NEO1: variants seen among roughly 807,000 people sequenced by gnomAD.
NEO1 encodes neogenin 1.
NEO1 carries 63 observed loss-of-function variants against 159.7 expected under a neutral mutation model. The observed-to-expected ratio is 0.39, with a 90% CI of 0.32 to 0.49. The LOEUF (loss-of-function observed/expected upper bound fraction) is 0.49. Ranked by LOEUF, NEO1 falls within the 20% of genes least tolerant of loss-of-function variation. The pLI, the probability that NEO1 is intolerant of heterozygous loss-of-function variation, is 0.85. For synonymous variants in NEO1, 633 were observed against 662.0 expected, an observed-to-expected ratio of 0.96 and a Z score of 0.67; for missense variants, 1,615 against 1,831.0, an observed-to-expected ratio of 0.88 and a Z score of 2.15.
chr15:73,134,174 ATC>A (rs2031474016), intron 4 of NEO1, among the ~76,000 whole-genome samples: 1 of 152,212 alleles, frequency 6.6e-6, no homozygotes, highest in Non-Finnish European at 1.5e-5. Context: ...GACCCGTCTT[ATC>A]TCTCCATTTA....
intron 13 of NEO1, chr15:73,255,554 G>A (rs2040297548): frequency 6.6e-6 from 1 of 152,238 alleles, no homozygotes; most frequent in Non-Finnish European, 1.5e-5. Flanking sequence ...TTGAGATCAT[G>A]CCTACGAAGA....
intron 8 of NEO1, among the ~76,000 whole-genome samples, chr15:73,243,387 A>G (rs918134602): frequency 6.6e-6 from 1 of 152,260 alleles, no homozygotes; most frequent in African/African-American, 2.4e-5. Context: ...ATAAATTAGA[A>G]TAATTTCTTC....
In NEO1 at chr15:73,293,512, A is replaced by G. The variant is rs754356974; in HGVS notation, c.3865A>G (p.Thr1289Ala). 2 of 1,614,158 alleles carry G rather than the reference A, an allele frequency of 1.2e-6. No individual in the cohort carries two copies. The highest frequency in any genetic ancestry group is 2.2e-5 in the South Asian group (2 of 91,084). The change falls in exon 26 of 29, where the codon ACA becomes GCA. Residue 1289 changes from threonine to alanine, a missense_variant. Thr to Ala is a moderately conservative substitution (Grantham distance 58). Around this residue, in one of 3 missense-constraint regions of NEO1, gnomAD observed 471 missense variants for 498.9 expected, o/e 0.94. Coordinates refer to ENST00000261908, the MANE Select transcript of NEO1 (RefSeq NM_002499.4). ...CCCGGGCAGCCCATGGCCCATTGGC[A>G]CATCCATGTCCCTTTCAGACAGGGC... The part of the protein sequence containing the change: ...YHPGSPWPIG[T>A]SMSLSDRANS...
chr15:73,158,338 A>G (rs1029368766), intron 5 of NEO1, among the ~76,000 whole-genome samples: 1 of 150,948 alleles, frequency 6.6e-6, no homozygotes, highest in African/African-American at 2.4e-5. Context: ...ATTCATTTCA[A>G]AAGAATTGTG....
chr15:73,299,676 C>T lies in NEO1; in HGVS notation c.4165+1065C>T, dbSNP rs183378978. 3.2e-3 allele frequency among the ~76,000 whole-genome samples: 485 copies of T among 152,302 alleles called. 1 individual carries two copies. Among genetic ancestry groups the T allele is most frequent in the South Asian group, 0.014 (68 of 4,816 alleles). On this transcript the variant is annotated intron_variant, in intron 27 of 28. Transcript: ENST00000261908. ...CTGGGAATATAGGCGTGAGCCACTGCGCCCAGCCGAAAAGCAACTATTTTC... is the reference window on the plus strand; with the variant it reads ...CTGGGAATATAGGCGTGAGCCACTGTGCCCAGCCGAAAAGCAACTATTTTC...
At chr15:73,066,030 CTTTTCTTTT>C (rs2068197146) in intron 1 of NEO1, among the ~76,000 whole-genome samples, 1 of 133,250 alleles carries the variant, frequency 7.5e-6, no homozygotes, top group South Asian at 2.4e-4. Flanking sequence ...TTCTTTCTTT[CTTTTCTTTT>C]TTTTTTTTTT....
chr15:73,244,284 CTG>C (rs2039640116), intron 8 of NEO1, 58 bp from the exon 9 acceptor site: 1 of 1,525,976 alleles, frequency 6.6e-7, no homozygotes, highest in Non-Finnish European at 8.8e-7. Flanking sequence ...GAAAATGAAA[CTG>C]TACATTCTGG....
rs1361299329 is a variant in NEO1, at chr15:73,298,611, G to C, written c.4165G>C (p.Ala1389Pro). 2.5e-6 allele frequency: 4 copies of C among 1,613,988 alleles called. No individual in the cohort carries two copies. The highest frequency in any genetic ancestry group is 3.4e-6 in the Non-Finnish European group (4 of 1,179,980). ...AAGCACACCATTACTGTCCCAGCAA[G>C]GTGAGTGAGGATGGCAGCACACCTG... is the stretch of plus-strand genomic sequence containing the variant. ...LPSTPLLSQQ[A>P]LNHHIHSVKT... Residue 1389 changes from alanine (A) to proline (P), a missense_variant and splice_region_variant, in exon 27 of 29, where the codon GCT becomes CCT. Around this residue, in one of 3 missense-constraint regions of NEO1, gnomAD observed 471 missense variants for 498.9 expected, o/e 0.94. Transcript: ENST00000261908.
intron 7 of NEO1, among the ~76,000 whole-genome samples, chr15:73,226,252 A>G (rs1157419448): frequency 6.6e-6 from 1 of 152,174 alleles, no homozygotes; most frequent in Non-Finnish European, 1.5e-5. Context: ...TCTGGAGCTT[A>G]AATTCACAGT....
At chr15:73,060,448 G>T (rs1360856639) in intron 1 of NEO1, among the ~76,000 whole-genome samples, 1 of 151,790 alleles carries the variant, frequency 6.6e-6, no homozygotes, top group African/African-American at 2.4e-5. Flanking sequence ...TGTACTTTTA[G>T]TAGAAACAGG....
intron 7 of NEO1, among the ~76,000 whole-genome samples, chr15:73,186,258 G>A (rs2035919887): frequency 6.6e-6 from 1 of 151,412 alleles, no homozygotes; most frequent in Admixed American, 6.6e-5. Flanking sequence ...AATCTTCACT[G>A]TATTGTTCCA....
intron 7 of NEO1, among the ~76,000 whole-genome samples, chr15:73,205,208 T>A (rs1356664221): frequency 6.6e-6 from 1 of 152,204 alleles, no homozygotes; most frequent in Non-Finnish European, 1.5e-5. Flanking sequence ...GTTTCTCCAG[T>A]AGTACAGCTT....
intron 1 of NEO1, among the ~76,000 whole-genome samples, chr15:73,099,465 G>T (rs968883717): frequency 6.6e-6 from 1 of 152,136 alleles, no homozygotes; most frequent in Non-Finnish European, 1.5e-5. Flanking sequence ...ATTTTGCATT[G>T]AAAGCTTGTG....
At chr15:73,137,440 T>C (rs1435271020) in intron 5 of NEO1, among the ~76,000 whole-genome samples, 2 of 152,104 alleles carry the variant, frequency 1.3e-5, no homozygotes, top group African/African-American at 4.8e-5. Flanking sequence ...TTAAATTTTG[T>C]TTTATTTTGA....
At chr15:73,246,653 A>G (rs1461358443) in intron 9 of NEO1, among the ~76,000 whole-genome samples, 1 of 152,230 alleles carries the variant, frequency 6.6e-6, no homozygotes, top group East Asian at 1.9e-4. Context: ...AGAATCTAAC[A>G]GTGCACATGC....
chr15:73,234,936 A>G (rs2039092894), intron 7 of NEO1, among the ~76,000 whole-genome samples: 1 of 152,166 alleles, frequency 6.6e-6, no homozygotes, highest in Admixed American at 6.5e-5. Flanking sequence ...CTCTACATAT[A>G]AGTTAGAGAT....
chr15:73,280,070 A>T (rs2041619731), intron 22 of NEO1, among the ~76,000 whole-genome samples: 1 of 152,198 alleles, frequency 6.6e-6, no homozygotes, highest in African/African-American at 2.4e-5. Flanking sequence ...TATTACTCTG[A>T]TAGCAGTGAA....
chr15:73,083,349 A>G (rs2069174665), intron 1 of NEO1, among the ~76,000 whole-genome samples: 1 of 152,102 alleles, frequency 6.6e-6, no homozygotes. Flanking sequence ...ATTGAATGGG[A>G]TGGAAGGGGG....
intron 7 of NEO1, among the ~76,000 whole-genome samples, chr15:73,182,976 G>A (rs1303160987): frequency 6.6e-6 from 1 of 152,174 alleles, no homozygotes; most frequent in Non-Finnish European, 1.5e-5. Context: ...GTGAGTAAGA[G>A]GAAAACTCCT....
Sources: allele counts gnomAD v4.1 joint callset (sites outside exome capture counted in the v4.1 genomes callset), GRCh38; gene constraint gnomAD v4.1.1; regional missense constraint gnomAD v4.1.1; transcripts MANE v1.5; gene names NCBI Gene and HGNC (gene_info 2026-07-23, HGNC 2026-07-21).